The following HSD17B12 variants were observed in gnomAD, a reference collection of about 807,000 sequenced individuals.
HSD17B12 encodes the protein hydroxysteroid 17-beta dehydrogenase 12.
A neutral mutation model predicts 39.3 loss-of-function variants in HSD17B12; 32 were observed. The observed-to-expected ratio is 0.81, with a 90% confidence interval of 0.61 to 1.09. The LOEUF is 1.09. Ranked by LOEUF, HSD17B12 falls within the 50% of genes least tolerant of loss-of-function variation. The pLI is 0.00. For missense variants in HSD17B12, 342 were observed against 382.9 expected (o/e 0.89, Z 0.89); for synonymous variants, 150 against 146.7 (o/e 1.02, Z -0.16).
Position 43,753,084 on chromosome 11 carries a change from A to T in HSD17B12, c.208-962A>T, listed in dbSNP as rs192399986. ...TATTTCACTAAATAGTTTTGTGCAG[A>T]TTAGTGCTTTTTTTCCTCTACTACT... On this transcript the variant is annotated intron_variant, in intron 2 of 10. Coordinates refer to ENST00000278353, the MANE Select transcript of HSD17B12 (RefSeq NM_016142.3). Among the ~76,000 whole-genome samples, 9 of 152,174 alleles carry T rather than the reference A, an allele frequency of 5.9e-5. No homozygotes were observed. The East Asian group carries it at 1.5e-3, about 26-fold the overall frequency.
the HSD17B12 span, among the ~76,000 whole-genome samples, chr11:43,659,664 G>A: frequency 2.0e-5 from 3 of 152,166 alleles, no homozygotes; most frequent in Non-Finnish European, 4.4e-5. Context: ...TTAAGAAAAT[G>A]AAAAGCAAGC....
chr11:43,650,202 C>G, the HSD17B12 span, among the ~76,000 whole-genome samples: 1 of 152,086 alleles, frequency 6.6e-6, no homozygotes, highest in Non-Finnish European at 1.5e-5. Context: ...ATTTGCTTGT[C>G]TAAATCTGAT....
chr11:43,625,598 T>G, the HSD17B12 span, among the ~76,000 whole-genome samples: 1 of 151,458 alleles, frequency 6.6e-6, no homozygotes. Flanking sequence ...TATTTGAACC[T>G]TATTTTAAAA....
intron 3 of HSD17B12, among the ~76,000 whole-genome samples, chr11:43,763,653 A>G (rs1343493012): frequency 6.8e-6 from 1 of 146,862 alleles, no homozygotes; most frequent in Non-Finnish European, 1.5e-5. Context: ...ATATATATAT[A>G]GAGAGAGAGA....
chr11:43,565,481 C>G, the HSD17B12 span, among the ~76,000 whole-genome samples: 4 of 152,312 alleles, frequency 2.6e-5, no homozygotes, highest in East Asian at 7.7e-4. Context: ...TGACCCTTAA[C>G]CAGAGGTAGG....
At chr11:43,618,728 A>G in the HSD17B12 span, among the ~76,000 whole-genome samples, 1 of 152,172 alleles carries the variant, frequency 6.6e-6, no homozygotes, top group African/African-American at 2.4e-5. Flanking sequence ...ATTCCATATC[A>G]TAAGATGCTG....
At chr11:43,680,589 G>A (rs958452003), upstream of HSD17B12, 11 of 535,820 alleles carry the variant, frequency 2.1e-5, no homozygotes, top group African/African-American at 1.8e-4. Flanking sequence ...GCGGTGATGG[G>A]AGGAGTGTGG....
chr11:43,794,369 T>G (rs2135037298), intron 3 of HSD17B12, among the ~76,000 whole-genome samples: 1 of 152,350 alleles, frequency 6.6e-6, no homozygotes, highest in South Asian at 2.1e-4. Context: ...TGCCACATTG[T>G]CATTCTTTAA....
At chr11:43,779,664 T>C (rs1364092315) in intron 3 of HSD17B12, among the ~76,000 whole-genome samples, 3 of 152,250 alleles carry the variant, frequency 2.0e-5, no homozygotes, top group Non-Finnish European at 4.4e-5. Context: ...CAAATGAGAA[T>C]GTATTGGAGA....
At chr11:43,742,150 T>TTTA (rs1554964312) in intron 1 of HSD17B12, among the ~76,000 whole-genome samples, 1 of 146,678 alleles carries the variant, frequency 6.8e-6, no homozygotes, top group African/African-American at 2.5e-5. Context: ...TTTTTTTTTT[T>TTTA]AAATTGAGAC....
chr11:43,601,283 G>A, the HSD17B12 span, among the ~76,000 whole-genome samples: 1 of 151,858 alleles, frequency 6.6e-6, no homozygotes, highest in Non-Finnish European at 1.5e-5. Context: ...ATATTTTATA[G>A]GGTGGTTGTT....
At chr11:43,623,550 GCTTT>G in the HSD17B12 span, among the ~76,000 whole-genome samples, 5 of 151,866 alleles carry the variant, frequency 3.3e-5, no homozygotes, top group Admixed American at 2.6e-4. Flanking sequence ...TCTGCATTCA[GCTTT>G]CTTGTCTAAA....
chr11:43,579,255 C>A, the HSD17B12 span: 1 of 152,310 alleles, frequency 6.6e-6, no homozygotes, highest in Non-Finnish European at 1.5e-5. Context: ...CTCGCTCTCC[C>A]GCTAAGCGAC....
the HSD17B12 span, among the ~76,000 whole-genome samples, chr11:43,619,215 A>AT: frequency 1.2e-4 from 8 of 67,308 alleles, no homozygotes; most frequent in East Asian, 9.0e-4. Flanking sequence ...ATATATATAA[A>AT]ATATATATAT....
chr11:43,715,237 TTCAG>T (rs1950110053), intron 1 of HSD17B12, among the ~76,000 whole-genome samples: 1 of 152,102 alleles, frequency 6.6e-6, no homozygotes, highest in African/African-American at 2.4e-5. Flanking sequence ...TTTTTGCCCA[TTCAG>T]TATGATATTG....
chr11:43,616,428 A>T, the HSD17B12 span, among the ~76,000 whole-genome samples: 1 of 150,746 alleles, frequency 6.6e-6, no homozygotes, highest in Non-Finnish European at 1.5e-5. Context: ...CAAAAAACAA[A>T]AAAAAAACAA....
intron 3 of HSD17B12, among the ~76,000 whole-genome samples, chr11:43,758,937 A>T (rs538083983): frequency 1.3e-5 from 2 of 152,214 alleles, no homozygotes; most frequent in Non-Finnish European, 2.9e-5. Context: ...CAATCAAACC[A>T]GTGCAAAAGT....
the HSD17B12 span, among the ~76,000 whole-genome samples, chr11:43,622,512 ATCAG>A: frequency 6.6e-6 from 1 of 152,134 alleles, no homozygotes; most frequent in South Asian, 2.1e-4. Context: ...CTTTCATTTT[ATCAG>A]TCAGAGTATT....
the HSD17B12 span, among the ~76,000 whole-genome samples, chr11:43,572,461 G>A: frequency 2.0e-5 from 3 of 152,140 alleles, no homozygotes; most frequent in Non-Finnish European, 4.4e-5. Flanking sequence ...GGTTGGAATC[G>A]AGGCAACATG....
Sources: gnomAD v4.1 joint callset for allele counts (sites outside exome capture counted in the v4.1 genomes callset) on GRCh38, gnomAD v4.1.1 for gene constraint, MANE v1.5 for transcripts, NCBI Gene and HGNC (gene_info 2026-07-23, HGNC 2026-07-21) for gene names.